The following VPS53 variants were observed in gnomAD, a reference collection of about 807,000 sequenced individuals.
VPS53 encodes the protein vacuolar protein sorting-associated protein 53 homolog.
Under a neutral mutation model 107.0 loss-of-function variants are expected in VPS53, and 70 were observed. The ratio of observed to expected loss-of-function variants is 0.65; its 90% CI spans 0.54 to 0.80. The LOEUF (loss-of-function observed/expected upper bound fraction) is 0.80, where lower values mean the gene tolerates loss of function less well. Among genes scored for constraint, VPS53 ranks in the 30% least tolerant of loss-of-function variants. The pLI, the probability that VPS53 is intolerant of heterozygous loss-of-function variation, is 0.00. For synonymous variants in VPS53, 409 were observed against 393.3 expected (o/e 1.04, Z -0.47); for missense variants, 917 against 1,049.4 (o/e 0.87, Z 1.74).
At chr17:564,402 T>C (rs1913297282) in intron 13 of VPS53, among the ~76,000 whole-genome samples, 2 of 151,848 alleles carry the variant, frequency 1.3e-5, no homozygotes, top group South Asian at 2.1e-4. Flanking sequence ...TAGCCGGGCA[T>C]GATGGCGGGT....
intron 4 of VPS53, among the ~76,000 whole-genome samples, chr17:696,917 T>C (rs1292408166): frequency 6.6e-6 from 1 of 150,784 alleles, no homozygotes; most frequent in Non-Finnish European, 1.5e-5. Context: ...CTCAGCCTCC[T>C]GAGTAGCTGG....
chr17:547,385 C>T (rs190729166), intron 17 of VPS53, among the ~76,000 whole-genome samples: 39 of 152,264 alleles, frequency 2.6e-4, no homozygotes, highest in African/African-American at 9.4e-4. Context: ...CATGCACATG[C>T]CCTGAAAACA....
chr17:709,292 GT>G (rs892183059), intron 2 of VPS53, among the ~76,000 whole-genome samples: 3 of 151,962 alleles, frequency 2.0e-5, no homozygotes, highest in African/African-American at 7.3e-5. Flanking sequence ...GTATTTGTTG[GT>G]TTATTTCTTG....
At chr17:538,257 G>A (rs1351970186) in intron 17 of VPS53, 1 of 152,378 alleles carries the variant, frequency 6.6e-6, no homozygotes, top group African/African-American at 2.4e-5. Flanking sequence ...GGCAGGGAAG[G>A]GCATTCTAAT....
intron 4 of VPS53, among the ~76,000 whole-genome samples, chr17:696,330 A>T (rs1046805173): frequency 2.0e-5 from 3 of 152,240 alleles, no homozygotes; most frequent in Non-Finnish European, 4.4e-5. Flanking sequence ...TGGCAGAAGG[A>T]AACAGAAATA....
intron 7 of VPS53, among the ~76,000 whole-genome samples, chr17:649,837 C>A (rs192956929): frequency 7.0e-4 from 106 of 152,382 alleles, no homozygotes; most frequent in African/African-American, 2.1e-3. Context: ...GTGGGAGAGA[C>A]ATGAGAATAT....
intron 11 of VPS53, among the ~76,000 whole-genome samples, chr17:603,550 C>T (rs1002649111): frequency 6.6e-6 from 1 of 152,196 alleles, no homozygotes; most frequent in Non-Finnish European, 1.5e-5. Context: ...CACTTGGATG[C>T]AAGTGATGTG....
At chr17:526,147 C>T (rs1328637696) in intron 19 of VPS53, among the ~76,000 whole-genome samples, 1 of 151,862 alleles carries the variant, frequency 6.6e-6, no homozygotes, top group Non-Finnish European at 1.5e-5. Flanking sequence ...ATTCAGGACT[C>T]AACTCTGTCT....
chr17:509,870 TC>T lies in VPS53; in HGVS notation c.*9257del, dbSNP rs1907838134. 2.0e-5 allele frequency: 3 copies of T among 150,650 alleles called. No individual in the cohort carries two copies. Among genetic ancestry groups the T allele is most frequent in the South Asian group, 2.1e-4 (2 of 9,320 alleles). The allele number at this position is 150,650 out of a possible 1,614,324, so 9.3% of individuals were successfully genotyped here. On this transcript the variant is annotated 3_prime_UTR_variant, in exon 22 of 22. Coordinates refer to ENST00000437048, the MANE Select transcript of VPS53 (RefSeq NM_001128159.3). ...AACCACATATCAAATCCTGACTGGC[TC>T]CACCCCTCACCAGTCACATATCAAA...
chr17:560,800 G>C (rs1049700311), intron 14 of VPS53, among the ~76,000 whole-genome samples: 23 of 152,180 alleles, frequency 1.5e-4, no homozygotes, highest in African/African-American at 5.6e-4. Flanking sequence ...CAGGCCATTA[G>C]TCACATTAAC....
chr17:612,553 A>C (rs1478904547), intron 11 of VPS53, among the ~76,000 whole-genome samples: 1 of 147,920 alleles, frequency 6.8e-6, no homozygotes, highest in Non-Finnish European at 1.5e-5. Flanking sequence ...TCACACAGTG[A>C]AAACCTGTAC....
At chr17:640,821 C>T (rs942381534) in intron 7 of VPS53, among the ~76,000 whole-genome samples, 1 of 151,990 alleles carries the variant, frequency 6.6e-6, no homozygotes, top group African/African-American at 2.4e-5. Flanking sequence ...GAAGGATACG[C>T]ATATAAATGT....
intron 11 of VPS53, among the ~76,000 whole-genome samples, chr17:623,205 T>A (rs1302681743): frequency 2.0e-5 from 3 of 152,192 alleles, no homozygotes; most frequent in Non-Finnish European, 4.4e-5. Context: ...ATCCTAATTG[T>A]AACCAAATCT....
intron 7 of VPS53, among the ~76,000 whole-genome samples, chr17:633,923 C>G (rs771693427): frequency 6.6e-6 from 1 of 152,210 alleles, no homozygotes; most frequent in African/African-American, 2.4e-5. Context: ...AGGCTCAGGC[C>G]CCCCCTGTTC....
intron 13 of VPS53, among the ~76,000 whole-genome samples, chr17:574,844 G>A (rs1841264932): frequency 6.6e-6 from 1 of 152,214 alleles, no homozygotes; most frequent in African/African-American, 2.4e-5. Context: ...AAGAGAAGAT[G>A]GGGCTTTGGC....
At chr17:546,327 TCTCA>T (rs1555549990) in intron 17 of VPS53, among the ~76,000 whole-genome samples, 22 of 93,200 alleles carry the variant, frequency 2.4e-4, no homozygotes, top group African/African-American at 5.6e-4. Context: ...ATCTTAGATA[TCTCA>T]CACACACACA....
intron 16 of VPS53, chr17:552,428 C>G (rs1262384552): frequency 1.2e-5 from 1 of 84,838 alleles, no homozygotes; most frequent in Non-Finnish European, 2.0e-5. Context: ...AAGCTGAGGC[C>G]TGGCCCATGC....
intron 7 of VPS53, among the ~76,000 whole-genome samples, chr17:633,298 G>T (rs1334502602): frequency 1.3e-5 from 2 of 152,168 alleles, no homozygotes; most frequent in African/African-American, 4.8e-5. Context: ...GGCCAGCCTT[G>T]CAGAGAGAGA....
At chr17:561,516 CACAA>C (rs1477239948) in intron 14 of VPS53, among the ~76,000 whole-genome samples, 11 of 152,292 alleles carry the variant, frequency 7.2e-5, no homozygotes, top group African/African-American at 2.2e-4. Context: ...AATTCCGTGA[CACAA>C]ACAAACAAAA....
Sources: gnomAD v4.1 joint callset for allele counts (sites outside exome capture counted in the v4.1 genomes callset) on GRCh38, gnomAD v4.1.1 for gene constraint, MANE v1.5 for transcripts, NCBI Gene and HGNC (gene_info 2026-07-23, HGNC 2026-07-21) for gene names.